Variants in MAP4K2 observed in about 807,000 individuals in gnomAD.
The protein encoded by MAP4K2 is B lymphocyte serine/threonine protein kinase.
MAP4K2 carries 85 observed loss-of-function variants against 125.3 expected under a neutral mutation model. The ratio of observed to expected loss-of-function variants is 0.68; its 90% CI spans 0.57 to 0.81. The LOEUF (loss-of-function observed/expected upper bound fraction) is 0.81, where lower values mean the gene tolerates loss of function less well. Among genes scored for constraint, MAP4K2 ranks in the 40% least tolerant of loss-of-function variants. MAP4K2 has a pLI of 0.00. For missense variants in MAP4K2, 923 were observed against 1,056.4 expected, an observed-to-expected ratio of 0.87 and a Z score of 1.75; for synonymous variants, 479 against 445.1, an observed-to-expected ratio of 1.08 and a Z score of -0.96.
At chr11:64,798,546 C>CA (rs1187083232) in intron 15 of MAP4K2, among the ~76,000 whole-genome samples, 25 of 152,044 alleles carry the variant, frequency 1.6e-4, no homozygotes, top group Admixed American at 1.6e-3. Flanking sequence ...GTGATCCACC[C>CA]ACCTTAGCCT....
At chr11:64,791,811 TG>T in intron 27 of MAP4K2, 97 bp downstream of exon 27, 1 of 1,314,282 alleles carries the variant, frequency 7.6e-7, no homozygotes, top group Non-Finnish European at 1.0e-6. Context: ...CCACTGGCTG[TG>T]GGGAGCCTAG....
intron 25 of MAP4K2, 37 bp from the exon 26 acceptor site, chr11:64,792,312 C>T: frequency 1.3e-6 from 2 of 1,586,042 alleles, no homozygotes; most frequent in Non-Finnish European, 1.7e-6. Flanking sequence ...CGGGCTGGGC[C>T]TGCGCTGCCC....
In MAP4K2 at chr11:64,789,313, G is replaced by C; in HGVS notation, c.*224C>G. 1.8e-6 allele frequency: 1 copy of C among 570,678 alleles called. No individual in the cohort carries two copies. The highest frequency in any genetic ancestry group is 3.0e-5 in the East Asian group (1 of 33,814). 35.4% of individuals were successfully genotyped at this position (570,678 alleles called of 1,614,324 possible). On this transcript the variant is annotated 3_prime_UTR_variant, in exon 32 of 32. Transcript: ENST00000294066. The stretch of plus-strand genomic sequence containing the variant: ...GCACTAGGGACTGGGCTGCCTCGGG[G>C]ATGGGGGAGTGACAGCAGCTCCCCC...
Position 64,786,378 on chromosome 11 carries a change from A to C in MAP4K2, c.*3159T>G, listed in dbSNP as rs1201485607. 6.6e-6 allele frequency: 1 copy of C among 151,972 alleles called. No individual in the cohort carries two copies. The highest frequency in any genetic ancestry group is 2.4e-5 in the African/African-American group (1 of 41,336). The allele number at this position is 151,972 out of a possible 1,614,324, so 9.4% of individuals were successfully genotyped here. ...CCCAGTCCAAGGGCAGATTGCAGGGACTCCTCTTCACCACATCTTGTCCAT... is the reference window on the plus strand; with the variant it reads ...CCCAGTCCAAGGGCAGATTGCAGGGCCTCCTCTTCACCACATCTTGTCCAT... On this transcript the variant is annotated 3_prime_UTR_variant, in exon 32 of 32. Transcript: ENST00000294066.
intron 24 of MAP4K2, among the ~76,000 whole-genome samples, chr11:64,795,681 C>T (rs1940753812): frequency 6.6e-6 from 1 of 152,206 alleles, no homozygotes; most frequent in Non-Finnish European, 1.5e-5. Flanking sequence ...GGATTACAGG[C>T]GTGAGCCCCC....
intron 7 of MAP4K2, 142 bp downstream of exon 7, chr11:64,801,437 G>A: frequency 1.0e-6 from 1 of 994,228 alleles, no homozygotes; most frequent in Non-Finnish European, 1.5e-6. Flanking sequence ...AGCAGGGAGG[G>A]AGTACCGTTC....
rs776104042 is a variant in MAP4K2, at chr11:64,799,650, G to A, written c.949C>T (p.Arg317Trp). 1.4e-5 allele frequency: 23 copies of A among 1,613,942 alleles called. No individual in the cohort carries two copies. Among genetic ancestry groups the A allele is most frequent in the Non-Finnish European group, 1.7e-5 (20 of 1,180,012 alleles). Residue 317 changes from arginine to tryptophan, a missense_variant, in exon 13 of 32, where the codon CGG becomes TGG. Around this residue, in one of 2 missense-constraint regions of MAP4K2, gnomAD observed 833 missense variants for 911.4 expected, o/e 0.91. Coordinates refer to ENST00000294066, the MANE Select transcript of MAP4K2 (RefSeq NM_004579.5). ...YDMFPDTIHS[R>W]GQHGPAERTP... ...CTCTCGGCTGGGCCGTGCTGCCCCC[G>A]GGAGTGAATGGTGTCTGGAAACATG...
chr11:64,803,195 G>T lies in MAP4K2; in HGVS notation c.-46C>A. 1 of 888,360 alleles carries T rather than the reference G, an allele frequency of 1.1e-6. No individual in the cohort carries two copies. The highest frequency in any genetic ancestry group is 1.3e-6 in the Non-Finnish European group (1 of 741,066). The allele number at this position is 888,360 out of a possible 1,614,324, so 55.0% of individuals were successfully genotyped here. The stretch of plus-strand genomic sequence containing the variant: ...GGCAGGCGGGCGGGCGCGAGCTGCG[G>T]AGCCGGCGCGGGGCGGCGCGGGGCG... On this transcript the variant is annotated 5_prime_UTR_variant, in exon 1 of 32. Coordinates refer to ENST00000294066, the MANE Select transcript of MAP4K2 (RefSeq NM_004579.5).
Position 64,801,571 on chromosome 11 carries a change from GTAC to G in MAP4K2, c.457+5_457+7del. 6.2e-7 allele frequency: 1 copy of G among 1,613,972 alleles called. No individual in the cohort carries two copies. Among genetic ancestry groups the G allele is most frequent in the Non-Finnish European group, 8.5e-7 (1 of 1,179,932 alleles). On this transcript the variant is annotated splice_donor_5th_base_variant and intron_variant, in intron 7 of 31. Coordinates refer to ENST00000294066, the MANE Select transcript of MAP4K2 (RefSeq NM_004579.5). ...CCCTCACCCTGATGGTGTCCCCAGG[GTAC>G]TGACCCAGTTTGACATCTCCCTGGA...
At chr11:64,799,573 C>T (rs763329981) in intron 13 of MAP4K2, 32 bp downstream of exon 13, 2 of 1,589,916 alleles carry the variant, frequency 1.3e-6, no homozygotes, top group Non-Finnish European at 1.7e-6. Context: ...CCCCCAAAAT[C>T]TGCACACACA....
rs957427739 is a variant in MAP4K2, at chr11:64,785,742, A to T, written c.*3795T>A. ...GTAGCTGGGACTGCAGGCGAGTGCC[A>T]CCATGTCCAGCTAATTTGTGTATCT... On this transcript the variant is annotated 3_prime_UTR_variant, in exon 32 of 32. Transcript: ENST00000294066. The T allele has an allele frequency of 1.3e-5, 2 of 151,962 alleles. No individual in the cohort carries two copies. Among genetic ancestry groups the T allele is most frequent in the Admixed American group, 6.6e-5 (1 of 15,244 alleles). 9.4% of individuals were successfully genotyped at this position (151,962 alleles called of 1,614,324 possible).
Position 64,797,168 on chromosome 11 carries a change from C to T in MAP4K2, c.1301G>A (p.Gly434Asp), listed in dbSNP as rs530729964. The change falls in exon 19 of 32, where the codon GGC (glycine) becomes GAC (aspartate). Residue 434 changes from glycine (G) to aspartate (D), a missense_variant. Transcript: ENST00000294066. The stretch of plus-strand genomic sequence containing the variant: ...GGGCAGCAGTGGGGAGCTGTTGGGG[C>T]CTGAAGGAGGTGGGGGCAGGGTTCC... ...PPGTLPPPPS[G>D]PNSSPLLPTA... is the part of the protein sequence containing the mutation. 2.5e-6 allele frequency: 4 copies of T among 1,613,806 alleles called. No homozygotes were observed. The African/African-American group carries it at 5.3e-5, about 22-fold the overall frequency.
chr11:64,800,332 C>G lies in MAP4K2; in HGVS notation c.786G>C (p.Pro262=). The change falls in exon 11 of 32, where the codon CCG becomes CCC. Residue 262 remains proline, a synonymous_variant. Coordinates refer to ENST00000294066, the MANE Select transcript of MAP4K2 (RefSeq NM_004579.5). Reference sequence around the variant, plus strand: ...CCACCTGCAGGAGCTTCTCTGCTGTCGGCCTCTTCTTAGGATTCTTGGTCA... The same window carrying G: ...CCACCTGCAGGAGCTTCTCTGCTGTGGGCCTCTTCTTAGGATTCTTGGTCA... ...LALTKNPKKR[P]TAEKLLQHPF... is the part of the protein sequence containing the mutation. 6.2e-7 allele frequency: 1 copy of G among 1,614,108 alleles called. No homozygotes were observed.
intron 5 of MAP4K2, 133 bp from the exon 6 acceptor site, chr11:64,801,890 C>T: frequency 8.5e-7 from 1 of 1,172,270 alleles, no homozygotes; most frequent in Non-Finnish European, 1.2e-6. Flanking sequence ...GTGACTGAGC[C>T]AAGAGGGAAA....
At chr11:64,792,746 C>T (rs1158970164) in intron 24 of MAP4K2, among the ~76,000 whole-genome samples, 4 of 152,116 alleles carry the variant, frequency 2.6e-5, no homozygotes, top group East Asian at 1.9e-4. Context: ...GGGATAATGG[C>T]GGGCCCCACC....
intron 27 of MAP4K2, among the ~76,000 whole-genome samples, chr11:64,790,893 T>C (rs1940435341): frequency 6.6e-6 from 1 of 152,112 alleles, no homozygotes; most frequent in Non-Finnish European, 1.5e-5. Flanking sequence ...CCCAGCACTG[T>C]GGGAGGCCGA....
chr11:64,796,844 T>A lies in MAP4K2; in HGVS notation c.1457A>T (p.His486Leu). 1 of 1,613,722 alleles carries A rather than the reference T, an allele frequency of 6.2e-7. No individual in the cohort carries two copies. The highest frequency in any genetic ancestry group is 8.5e-7 in the Non-Finnish European group (1 of 1,180,002). Residue 486 changes from histidine to leucine, a missense_variant, in exon 21 of 32, where the codon CAC becomes CTC. Coordinates refer to ENST00000294066, the MANE Select transcript of MAP4K2 (RefSeq NM_004579.5). ...KVFNGCPLRIHAAVTWIHPVT... is the reference protein window; with the variant it reads ...KVFNGCPLRILAAVTWIHPVT... ...AGGGTGAATCCAGGTGACAGCAGCG[T>A]GGATCCGCAGGGGGCAGCCATTGAA...
rs1438685757 is a variant in MAP4K2 at position 64,802,420 on chromosome 11, A to G, written c.309T>C (p.His103=). 8 of 1,492,760 alleles carry G rather than the reference A, an allele frequency of 5.4e-6. No individual in the cohort carries two copies. Among genetic ancestry groups the G allele is most frequent in the Non-Finnish European group, 7.1e-6 (8 of 1,121,022 alleles). 92.5% of individuals were successfully genotyped at this position (1,492,760 alleles called of 1,614,324 possible). A position where few individuals can be genotyped will look rare whatever the true frequency, so the allele number is the denominator to read the frequency against. ...TGGGGCCTGGAGCCCTGGCCTCACCATGGTAAATCTCCTGCAGGGAGCCCC... is the reference window on the plus strand; with the variant it reads ...TGGGGCCTGGAGCCCTGGCCTCACCGTGGTAAATCTCCTGCAGGGAGCCCC... ...CGGGSLQEIY[H]ATGPLEERQI... The change falls in exon 4 of 32, where the codon CAT becomes CAC. Residue 103 remains histidine (H), a splice_region_variant and synonymous_variant. Coordinates refer to ENST00000294066, the MANE Select transcript of MAP4K2 (RefSeq NM_004579.5).
At chr11:64,792,570 A>G in intron 24 of MAP4K2, 148 bp from the exon 25 acceptor site, 1 of 692,130 alleles carries the variant, frequency 1.4e-6, no homozygotes, top group Non-Finnish European at 2.4e-6. Flanking sequence ...CCCCAAGAAC[A>G]GCTGGGAAAG....
Sources: gnomAD v4.1 joint callset for allele counts (sites outside exome capture counted in the v4.1 genomes callset) on GRCh38, gnomAD v4.1.1 for gene constraint, gnomAD v4.1.1 regional missense constraint, MANE v1.5 for transcripts, NCBI Gene and HGNC (gene_info 2026-07-23, HGNC 2026-07-21) for gene names.